Variants in MYL1 observed in about 807,000 individuals in gnomAD.
MYL1 encodes myosin light chain 1.
In MYL1, 16 loss-of-function variants were observed where a neutral mutation model predicts 21.8. The observed-to-expected ratio is 0.74, with a 90% confidence interval of 0.50 to 1.12. The LOEUF is 1.12. Ranked by LOEUF, MYL1 falls within the 50% of genes most tolerant of loss-of-function variation. MYL1 has a pLI of 0.00. For synonymous variants in MYL1, 99 were observed against 85.2 expected, an observed-to-expected ratio of 1.16 and a Z score of -0.89; for missense variants, 246 against 241.0, an observed-to-expected ratio of 1.02 and a Z score of -0.14.
At chr2:210,303,448 C>G in intron 1 of MYL1, 1 of 1,165,968 alleles carries the variant, frequency 8.6e-7, no homozygotes, top group Non-Finnish European at 1.2e-6. Context: ...GTTCTCTCCT[C>G]AGTTCCATTT....
chr2:210,302,790 G>A, intron 1 of MYL1: 1 of 1,563,118 alleles, frequency 6.4e-7, no homozygotes. Flanking sequence ...CAGCACTGAA[G>A]GACTGCAGTG....
At chr2:210,297,526 T>G (rs1690196203) in intron 3 of MYL1, among the ~76,000 whole-genome samples, 1 of 151,814 alleles carries the variant, frequency 6.6e-6, no homozygotes, top group African/African-American at 2.4e-5. Context: ...TGGGTTTTTT[T>G]TTTTGGCTGT....
In MYL1 at chr2:210,294,247, A is replaced by G. The variant is rs755903302; in HGVS notation, c.476T>C (p.Leu159Pro). ...GAELRHVLAT[L>P]GEKMKEEEVE... is the part of the protein sequence containing the mutation. ...TCCACTGAAATAAATTCCCTTACCCAGGGTGGCTAGAACATGGCGGAGTTC... is the reference window on the plus strand; with the variant it reads ...TCCACTGAAATAAATTCCCTTACCCGGGGTGGCTAGAACATGGCGGAGTTC... The change falls in exon 4 of 7, where the codon CTG becomes CCG. Residue 159 changes from leucine (L) to proline (P), a missense_variant and splice_region_variant. Coordinates refer to ENST00000352451, the MANE Select transcript of MYL1 (RefSeq NM_079420.3). 3 of 1,609,720 alleles carry G rather than the reference A, an allele frequency of 1.9e-6. No individual in the cohort carries two copies. Among genetic ancestry groups the G allele is most frequent in the South Asian group, 2.2e-5 (2 of 90,244 alleles).
intron 1 of MYL1, among the ~76,000 whole-genome samples, chr2:210,306,421 C>T (rs1196443462): frequency 6.6e-6 from 1 of 151,562 alleles, no homozygotes; most frequent in Non-Finnish European, 1.5e-5. Context: ...TATGAATAAG[C>T]TATTTCTAAT....
rs75913764 is a variant in MYL1, at chr2:210,292,661, G to A, written c.556+1062C>T. On this transcript the variant is annotated intron_variant, in intron 5 of 6. Transcript: ENST00000352451. ...TAAATTTGTCAAGATTTTCAATGCC[G>A]TCTGGTTTTTGTGTCACTGTTAGAA... Among the ~76,000 whole-genome samples, 338 of 151,872 alleles carry A rather than the reference G, an allele frequency of 2.2e-3. 6 individuals are homozygous for A. The South Asian group carries it at 0.031, about 14-fold the overall frequency.
intron 2 of MYL1, among the ~76,000 whole-genome samples, chr2:210,302,228 G>T (rs528525837): frequency 3.9e-4 from 60 of 151,988 alleles, no homozygotes; most frequent in Middle Eastern, 3.4e-3. Flanking sequence ...TATCAAATTG[G>T]TTTTATTTAG....
At chr2:210,302,795 G>T (rs1690284464) in intron 1 of MYL1, 2 of 1,562,186 alleles carry the variant, frequency 1.3e-6, no homozygotes, top group African/African-American at 2.7e-5. Flanking sequence ...CTGAAGGACT[G>T]CAGTGGCGAA....
intron 4 of MYL1, 45 bp from the exon 5 acceptor site, chr2:210,293,845 T>A (rs1333895728): frequency 6.3e-7 from 1 of 1,576,202 alleles, no homozygotes; most frequent in Admixed American, 1.7e-5. Flanking sequence ...CCATGTGTTA[T>A]TTTCAAAATC....
In MYL1 at chr2:210,298,308, A is replaced by G. The variant is rs549785093; in HGVS notation, c.304+112T>C. The G allele has an allele frequency of 1.8e-4, 190 of 1,082,548 alleles. 1 individual carries two copies. The South Asian group carries it at 3.2e-3, about 18-fold the overall frequency. 67.1% of individuals were successfully genotyped at this position (1,082,548 alleles called of 1,614,324 possible). A position where few individuals can be genotyped will look rare whatever the true frequency, so the allele number is the denominator to read the frequency against. On this transcript the variant is annotated intron_variant, in intron 3 of 6. Transcript: ENST00000352451. The stretch of plus-strand genomic sequence containing the variant: ...TTTTAAATCAATCTTTCTCTCTCTC[A>G]CACACACACATACTACACACACACA...
intron 1 of MYL1, among the ~76,000 whole-genome samples, chr2:210,308,824 T>C (rs1463136747): frequency 2.0e-5 from 3 of 151,156 alleles, no homozygotes; most frequent in African/African-American, 7.3e-5. Context: ...CCTTTGTGCA[T>C]TTGTTTGCAT....
chr2:210,297,037 AC>A (rs922993598), intron 3 of MYL1, among the ~76,000 whole-genome samples: 3 of 148,124 alleles, frequency 2.0e-5, no homozygotes, highest in Non-Finnish European at 4.5e-5. Flanking sequence ...ATATATATAT[AC>A]ATATATATAA....
intron 3 of MYL1, among the ~76,000 whole-genome samples, chr2:210,296,470 T>C (rs1157083952): frequency 6.6e-6 from 1 of 152,110 alleles, no homozygotes; most frequent in Admixed American, 6.5e-5. Flanking sequence ...AGATGTTTGG[T>C]AAGTTGGGAA....
Position 210,294,176 on chromosome 2 carries a change from A to G in MYL1, c.478+69T>C, listed in dbSNP as rs561097295. 1.3e-4 allele frequency: 185 copies of G among 1,410,118 alleles called. 3 individuals are homozygous for G. In the South Asian group the frequency reaches 2.7e-3, roughly 21 times the overall value. The allele number at this position is 1,410,118 out of a possible 1,614,324, so 87.4% of individuals were successfully genotyped here. A position where few individuals can be genotyped will look rare whatever the true frequency, so the allele number is the denominator to read the frequency against. Reference sequence around the variant, plus strand: ...TCTTTCCTCCTATTTTGGTAGTGACATGATTCTCCTGTCATGTTCTTTTCT... The same window carrying G: ...TCTTTCCTCCTATTTTGGTAGTGACGTGATTCTCCTGTCATGTTCTTTTCT... On this transcript the variant is annotated intron_variant, in intron 4 of 6. Transcript: ENST00000352451.
intron 1 of MYL1, among the ~76,000 whole-genome samples, chr2:210,311,424 G>A (rs764789946): frequency 1.2e-4 from 18 of 152,018 alleles, no homozygotes; most frequent in Admixed American, 2.0e-4. Context: ...AATTGTTGAT[G>A]CAAAATTCGT....
intron 2 of MYL1, among the ~76,000 whole-genome samples, chr2:210,298,789 G>C (rs536178285): frequency 1.3e-5 from 2 of 152,200 alleles, no homozygotes; most frequent in South Asian, 4.1e-4. Flanking sequence ...TAAGTTGCCT[G>C]TTATTGTTAA....
At chr2:210,309,314 T>A (rs1285396427) in intron 1 of MYL1, among the ~76,000 whole-genome samples, 1 of 152,008 alleles carries the variant, frequency 6.6e-6, no homozygotes, top group African/African-American at 2.4e-5. Flanking sequence ...TCAAGCCAGT[T>A]GGATTTTTTT....
intron 2 of MYL1, among the ~76,000 whole-genome samples, chr2:210,300,367 T>C (rs1480635272): frequency 6.6e-6 from 1 of 152,182 alleles, no homozygotes; most frequent in Non-Finnish European, 1.5e-5. Flanking sequence ...CTGGTTATAC[T>C]ATTTTCCAGG....
chr2:210,292,991 C>A (rs1690104037), intron 5 of MYL1, among the ~76,000 whole-genome samples: 1 of 151,928 alleles, frequency 6.6e-6, no homozygotes, highest in South Asian at 2.1e-4. Context: ...GTCCTCTTCT[C>A]CCTCCTTTCC....
intron 5 of MYL1, among the ~76,000 whole-genome samples, chr2:210,291,539 G>A (rs1690075704): frequency 6.6e-6 from 1 of 152,128 alleles, no homozygotes; most frequent in South Asian, 2.1e-4. Flanking sequence ...TGACAGAGCT[G>A]TTTATGCATA....
Sources: gnomAD v4.1 joint callset for allele counts (sites outside exome capture counted in the v4.1 genomes callset) on GRCh38, gnomAD v4.1.1 for gene constraint, MANE v1.5 for transcripts, NCBI Gene and HGNC (gene_info 2026-07-23, HGNC 2026-07-21) for gene names.